Variants in ZNF614 observed in about 807,000 individuals in gnomAD.
ZNF614 encodes the protein zinc finger protein 614.
Under a neutral mutation model 12.8 loss-of-function variants are expected in ZNF614, and 11 were observed. The observed-to-expected ratio is 0.86, with a 90% CI of 0.54 to 1.43. The LOEUF (loss-of-function observed/expected upper bound fraction) is 1.43. Ranked by LOEUF, ZNF614 falls within the 40% of genes most tolerant of loss-of-function variation. The pLI is 0.00. For missense variants in ZNF614, 664 were observed against 708.8 expected, an observed-to-expected ratio of 0.94 and a Z score of 0.72; for synonymous variants, 237 against 237.5, an observed-to-expected ratio of 1.00 and a Z score of 0.02.
chr19:52,016,229 A>G lies in ZNF614; in HGVS notation c.1369T>C (p.Cys457Arg). ...RTHTGEKPYE[C>R]NECGKAFSQK... ...CTGAAGGCTTTACCACATTCATTGC[A>G]TTCATAGGGTTTTTCTCCTGTATGA... Residue 457 changes from cysteine to arginine, a missense_variant, in exon 5 of 5, where the codon TGC (cysteine) becomes CGC (arginine). By Grantham distance (180) the Cys-to-Arg change is radical (BLOSUM62 -3). Coordinates refer to ENST00000270649, the MANE Select transcript of ZNF614 (RefSeq NM_025040.4). The G allele has an allele frequency of 6.2e-7, 1 of 1,614,162 alleles. No individual in the cohort carries two copies. Among genetic ancestry groups the G allele is most frequent in the Non-Finnish European group, 8.5e-7 (1 of 1,180,030 alleles).
At position 52,015,355 on chromosome 19, in the gene ZNF614, T is replaced by C. The variant is rs2086889672; in HGVS notation, c.*485A>G. The C allele has an allele frequency of 6.5e-6, 1 of 153,132 alleles. No individual in the cohort carries two copies. Among genetic ancestry groups the C allele is most frequent in the Non-Finnish European group, 1.5e-5 (1 of 68,730 alleles). 9.5% of individuals were successfully genotyped at this position (153,132 alleles called of 1,614,324 possible). A position where few individuals can be genotyped will look rare whatever the true frequency, so the allele number is the denominator to read the frequency against. On this transcript the variant is annotated 3_prime_UTR_variant, in exon 5 of 5. Transcript: ENST00000270649. ...CTTAAAGTTATTTTCCAGTGTAAAC[T>C]TTGACACTCACTGAGGTCATATTTC...
At chr19:52,022,252 G>A (rs2086936728) in intron 2 of ZNF614, among the ~76,000 whole-genome samples, 1 of 152,156 alleles carries the variant, frequency 6.6e-6, no homozygotes, top group Non-Finnish European at 1.5e-5. Context: ...CAGATTTAAG[G>A]GTTCAATCCT....
chr19:52,027,355 G>A (rs1433634180), intron 1 of ZNF614, among the ~76,000 whole-genome samples: 2 of 152,294 alleles, frequency 1.3e-5, no homozygotes, highest in South Asian at 2.1e-4. Context: ...CACATTATGC[G>A]CTAAAGGAGT....
intron 2 of ZNF614, among the ~76,000 whole-genome samples, chr19:52,023,051 C>T (rs1418627726): frequency 6.9e-6 from 1 of 143,920 alleles, no homozygotes; most frequent in Non-Finnish European, 1.5e-5. Flanking sequence ...TGCCCGCCAG[C>T]CTGGGCATCA....
At chr19:52,024,848 G>A (rs141921187) in intron 2 of ZNF614, among the ~76,000 whole-genome samples, 2,530 of 152,330 alleles carry the variant, frequency 0.017, 78 homozygotes, top group African/African-American at 0.058. Flanking sequence ...GATAGCCTGA[G>A]ATATGGCCTC....
In ZNF614 at chr19:52,015,890, G is replaced by T; in HGVS notation, c.1708C>A (p.Gln570Lys). 2 of 1,614,004 alleles carry T rather than the reference G, an allele frequency of 1.2e-6. No homozygotes were observed. Among genetic ancestry groups the T allele is most frequent in the African/African-American group, 1.3e-5 (1 of 75,040 alleles). The stretch of plus-strand genomic sequence containing the variant: ...TCTCCATTACAGGAGTTTTCAACTT[G>T]ACTGATTCTACCCATTTCTCTTGTG... ...MHTREMGRIS[Q>K]VENSCNGESQ... The change falls in exon 5 of 5, where the codon CAA becomes AAA. Residue 570 changes from glutamine (Q) to lysine (K), a missense_variant. Physicochemically the swap from Gln to Lys is moderately conservative, Grantham distance 53. Coordinates refer to ENST00000270649, the MANE Select transcript of ZNF614 (RefSeq NM_025040.4).
chr19:52,024,737 C>T (rs894252848), intron 2 of ZNF614, among the ~76,000 whole-genome samples: 1 of 152,216 alleles, frequency 6.6e-6, no homozygotes, highest in Non-Finnish European at 1.5e-5. Flanking sequence ...AAGTCATCAC[C>T]ATTCTCTAAT....
chr19:52,017,404 A>C, intron 4 of ZNF614, 45 bp from the exon 5 acceptor site: 1 of 1,531,628 alleles, frequency 6.5e-7, no homozygotes, highest in Non-Finnish European at 8.7e-7. Context: ...GAATTGTATG[A>C]GATAAAAATG....
Position 52,025,908 on chromosome 19 carries a change from T to C in ZNF614, c.-163A>G, listed in dbSNP as rs935389021. 8 of 682,468 alleles carry C rather than the reference T, an allele frequency of 1.2e-5. No homozygotes were observed. Among genetic ancestry groups the C allele is most frequent in the Middle Eastern group, 3.7e-4 (1 of 2,708 alleles). The allele number at this position is 682,468 out of a possible 1,614,324, so 42.3% of individuals were successfully genotyped here. On this transcript the variant is annotated 5_prime_UTR_variant, in exon 2 of 5. Transcript: ENST00000270649. ...TCCAAGGCCAGCAACCTCCTTCTTC[T>C]TCCTTCATTGCTTCACTTGAGTTAT... is the stretch of plus-strand genomic sequence containing the variant.
At chr19:52,021,516 A>G (rs1401286806) in intron 2 of ZNF614, among the ~76,000 whole-genome samples, 1 of 152,070 alleles carries the variant, frequency 6.6e-6, no homozygotes, top group Non-Finnish European at 1.5e-5. Flanking sequence ...TCCAGAGGAG[A>G]GTTTGAGCCC....
chr19:52,017,354 C>G lies in ZNF614; in HGVS notation c.244G>C (p.Gly82Arg). 6.3e-7 allele frequency: 1 copy of G among 1,586,374 alleles called. No homozygotes were observed. Among genetic ancestry groups the G allele is most frequent in the Non-Finnish European group, 8.6e-7 (1 of 1,168,694 alleles). Residue 82 changes from glycine to arginine, a missense_variant, in exon 5 of 5, where the codon GGG becomes CGG. Transcript: ENST00000270649. The stretch of plus-strand genomic sequence containing the variant: ...TCTTGCAGATGACTGTCAACTTTCC[C>G]GATTCCTAAGAAAGAACAGAGTAAC... ...KIQNKNCPGIGKVDSHLQEHS... is the reference protein window; with the variant it reads ...KIQNKNCPGIRKVDSHLQEHS...
intron 1 of ZNF614, among the ~76,000 whole-genome samples, chr19:52,027,760 C>A (rs2086984451): frequency 6.6e-6 from 1 of 152,098 alleles, no homozygotes; most frequent in Non-Finnish European, 1.5e-5. Flanking sequence ...GAGGATTAGA[C>A]AATTCAACAA....
At position 52,016,844 on chromosome 19, in the gene ZNF614, T is replaced by C. The variant is rs759497849; in HGVS notation, c.754A>G (p.Thr252Ala). Residue 252 changes from threonine to alanine, a missense_variant, in exon 5 of 5, where the codon ACT (threonine) becomes GCT (alanine). Coordinates refer to ENST00000270649, the MANE Select transcript of ZNF614 (RefSeq NM_025040.4). ...ATACAGATTTTGTCTGTTGTATTAG[T>C]TTTCAGATGCTTAGTGAACAGGACA... ...RSVLFTKHLK[T>A]NTTDKICIPN... 3 of 1,613,828 alleles carry C rather than the reference T, an allele frequency of 1.9e-6. No individual in the cohort carries two copies. In the Admixed American group the frequency reaches 5.0e-5, roughly 27 times the overall value.
Position 52,016,613 on chromosome 19 carries a change from T to C in ZNF614, c.985A>G (p.Asn329Asp). 1.2e-6 allele frequency: 2 copies of C among 1,614,216 alleles called. No individual in the cohort carries two copies. The highest frequency in any genetic ancestry group is 1.7e-5 in the Admixed American group (1 of 60,024). ...ECGKGFTVKS[N>D]LIVHQRTHTG... ...TGAGTTCGCTGATGTACAATGAGAT[T>C]GCTCTTCACAGTGAAACCTTTTCCA... Residue 329 changes from asparagine (N) to aspartate (D), a missense_variant, in exon 5 of 5, where the codon AAT becomes GAT. Transcript: ENST00000270649.
chr19:52,016,795 G>A lies in ZNF614; in HGVS notation c.803C>T (p.Ser268Phe), dbSNP rs755819587. The change falls in exon 5 of 5, where the codon TCT becomes TTT. Residue 268 changes from serine to phenylalanine, a missense_variant. By Grantham distance (155) the Ser-to-Phe change is radical. Transcript: ENST00000270649. The part of the protein sequence containing the change: ...ICIPNEYRKG[S>F]TVKSSLITHQ... Reference sequence around the variant, plus strand: ...TGTAATGAGACTACTCTTCACAGTAGAGCCTTTTCTATATTCATTGGGTAT... The same window carrying A: ...TGTAATGAGACTACTCTTCACAGTAAAGCCTTTTCTATATTCATTGGGTAT... 4.3e-6 allele frequency: 7 copies of A among 1,613,934 alleles called. No homozygotes were observed. Among genetic ancestry groups the A allele is most frequent in the Non-Finnish European group, 5.9e-6 (7 of 1,180,042 alleles).
rs1276164897 is a variant in ZNF614 at position 52,015,754 on chromosome 19, AAC to A, written c.*84_*85del. The A allele has an allele frequency of 2.3e-5, 30 of 1,287,826 alleles. No homozygotes were observed. The highest frequency in any genetic ancestry group is 2.9e-5 in the Non-Finnish European group (27 of 926,964). 79.8% of individuals were successfully genotyped at this position (1,287,826 alleles called of 1,614,324 possible). A position where few individuals can be genotyped will look rare whatever the true frequency, so the allele number is the denominator to read the frequency against. ...CATGTTTATGTTCCAATTGGCTAGA[AAC>A]ACACTGATGTTTAATGAAGTCTGAG... On this transcript the variant is annotated 3_prime_UTR_variant, in exon 5 of 5. Transcript: ENST00000270649.
At chr19:52,022,858 C>T (rs1799138450) in intron 2 of ZNF614, among the ~76,000 whole-genome samples, 2 of 151,866 alleles carry the variant, frequency 1.3e-5, no homozygotes, top group African/African-American at 2.4e-5. Flanking sequence ...GCTTCCATTC[C>T]TCTCTGCGTG....
At chr19:52,020,110 A>C (rs975504208) in intron 2 of ZNF614, among the ~76,000 whole-genome samples, 2 of 152,194 alleles carry the variant, frequency 1.3e-5, no homozygotes, top group African/African-American at 4.8e-5. Context: ...CTCATTCTCT[A>C]GCTGCAGTGA....
Position 52,016,414 on chromosome 19 carries a change from C to A in ZNF614, c.1184G>T (p.Gly395Val). Reference sequence around the variant, plus strand: ...TTCGCTGCATATGTAAGATTTTTCTCCTGTGTGGGAGCGCTGATGTACAAT... The same window carrying A: ...TTCGCTGCATATGTAAGATTTTTCTACTGTGTGGGAGCGCTGATGTACAAT... ...NLIVHQRSHT[G>V]EKSYICSECG... Residue 395 changes from glycine to valine, a missense_variant, in exon 5 of 5, where the codon GGA becomes GTA. Physicochemically the swap from Gly to Val is moderately radical, Grantham distance 109. Transcript: ENST00000270649. 6.2e-7 allele frequency: 1 copy of A among 1,614,154 alleles called. No individual in the cohort carries two copies. Among genetic ancestry groups the A allele is most frequent in the Non-Finnish European group, 8.5e-7 (1 of 1,180,024 alleles).
Sources: allele counts gnomAD v4.1 joint callset (sites outside exome capture counted in the v4.1 genomes callset), GRCh38; gene constraint gnomAD v4.1.1; transcripts MANE v1.5; gene names NCBI Gene and HGNC (gene_info 2026-07-23, HGNC 2026-07-21).